ARFGEF3: variants seen among roughly 807,000 people sequenced by gnomAD.
The protein encoded by ARFGEF3 is ARFGEF family member 3, also known as brefeldin A-inhibited guanine nucleotide-exchange protein 3.
ARFGEF3 carries 96 observed loss-of-function variants against 221.7 expected under a neutral mutation model. The ratio of observed to expected loss-of-function variants is 0.43; its 90% CI spans 0.37 to 0.51. The LOEUF (loss-of-function observed/expected upper bound fraction) is 0.51. ARFGEF3 is among the 20% of genes least tolerant of loss of function. The pLI is 0.00. For synonymous variants in ARFGEF3, 1,145 were observed against 1,126.8 expected, an observed-to-expected ratio of 1.02 and a Z score of -0.32; for missense variants, 2,410 against 2,789.9, an observed-to-expected ratio of 0.86 and a Z score of 3.07.
intron 14 of ARFGEF3, among the ~76,000 whole-genome samples, chr6:138,281,744 G>C (rs1779200248): frequency 6.6e-6 from 1 of 152,226 alleles, no homozygotes; most frequent in Admixed American, 6.5e-5. Context: ...TGAGAGTGTA[G>C]AGAGCAGTAT....
At chr6:138,172,696 A>C (rs1397657211) in intron 2 of ARFGEF3, among the ~76,000 whole-genome samples, 1 of 152,214 alleles carries the variant, frequency 6.6e-6, no homozygotes, top group Non-Finnish European at 1.5e-5. Flanking sequence ...ACAACTATAA[A>C]GGTAAAAAAG....
chr6:138,176,867 T>C (rs1776960328), intron 2 of ARFGEF3, among the ~76,000 whole-genome samples: 1 of 152,110 alleles, frequency 6.6e-6, no homozygotes, highest in East Asian at 1.9e-4. Context: ...TTATGAAGCT[T>C]ATTCTTTCTG....
intron 32 of ARFGEF3, among the ~76,000 whole-genome samples, chr6:138,331,177 A>G (rs926212447): frequency 2.0e-5 from 3 of 152,250 alleles, no homozygotes; most frequent in African/African-American, 7.2e-5. Context: ...GTTACAGTTT[A>G]AAAATATACC....
intron 4 of ARFGEF3, among the ~76,000 whole-genome samples, chr6:138,215,302 T>A (rs1300602806): frequency 6.6e-6 from 1 of 152,140 alleles, no homozygotes; most frequent in African/African-American, 2.4e-5. Flanking sequence ...GATGTGGGCA[T>A]CCTATCTGGG....
At chr6:138,312,103 C>T (rs971918854) in intron 25 of ARFGEF3, among the ~76,000 whole-genome samples, 11 of 152,094 alleles carry the variant, frequency 7.2e-5, no homozygotes, top group Non-Finnish European at 1.5e-4. Flanking sequence ...TTGCAGTGAA[C>T]TGAGATCATG....
At chr6:138,268,719 G>A (rs900557178) in intron 12 of ARFGEF3, among the ~76,000 whole-genome samples, 9 of 152,182 alleles carry the variant, frequency 5.9e-5, no homozygotes, top group South Asian at 2.1e-4. Flanking sequence ...AGCCTTGCAC[G>A]GCAATTGATC....
chr6:138,329,669 CCAAA>C (rs1157454984), intron 32 of ARFGEF3, among the ~76,000 whole-genome samples: 3 of 152,118 alleles, frequency 2.0e-5, no homozygotes, highest in South Asian at 2.1e-4. Flanking sequence ...GTCTCAAAAA[CCAAA>C]CAAACAAAAA....
intron 24 of ARFGEF3, among the ~76,000 whole-genome samples, chr6:138,310,662 C>T (rs1779809903): frequency 1.3e-5 from 2 of 152,024 alleles, no homozygotes; most frequent in Non-Finnish European, 1.5e-5. Context: ...CAATTGTAGA[C>T]AATTAGAAAC....
chr6:138,217,823 AT>A, intron 4 of ARFGEF3: 1 of 983,468 alleles, frequency 1.0e-6, no homozygotes, highest in Non-Finnish European at 1.4e-6. Context: ...ATGGGTTTGT[AT>A]TTTAGAATTG....
intron 7 of ARFGEF3, 60 bp from the exon 8 acceptor site, chr6:138,245,453 C>T (rs1583029662): frequency 8.5e-6 from 10 of 1,170,844 alleles, no homozygotes; most frequent in Non-Finnish European, 1.1e-5. Context: ...AAGGATGGTT[C>T]AGGGAGCTCG....
At chr6:138,277,629 T>A (rs528747036) in intron 12 of ARFGEF3, among the ~76,000 whole-genome samples, 1 of 152,376 alleles carries the variant, frequency 6.6e-6, no homozygotes, top group South Asian at 2.1e-4. Context: ...CCATTAATTC[T>A]TACTCATTCG....
intron 12 of ARFGEF3, among the ~76,000 whole-genome samples, chr6:138,270,955 G>A (rs550860814): frequency 6.6e-6 from 1 of 152,192 alleles, no homozygotes; most frequent in African/African-American, 2.4e-5. Flanking sequence ...GGGTGAAGAG[G>A]AAGCCACAGA....
At chr6:138,265,588 A>G (rs186462717) in intron 12 of ARFGEF3, among the ~76,000 whole-genome samples, 359 of 152,144 alleles carry the variant, frequency 2.4e-3, no homozygotes, top group Middle Eastern at 6.8e-3. Flanking sequence ...CTCTTATTGA[A>G]CATTCTAGGG....
At chr6:138,297,739 AAAC>A (rs1266461971) in intron 21 of ARFGEF3, among the ~76,000 whole-genome samples, 1 of 152,200 alleles carries the variant, frequency 6.6e-6, no homozygotes, top group Non-Finnish European at 1.5e-5. Flanking sequence ...TAGTGGCTTA[AAAC>A]AACAACCATT....
chr6:138,279,997 A>G lies in ARFGEF3; in HGVS notation c.2296-2A>G. 1.2e-6 allele frequency: 2 copies of G among 1,613,836 alleles called. No individual in the cohort carries two copies. The highest frequency in any genetic ancestry group is 1.7e-6 in the Non-Finnish European group (2 of 1,179,822). On this transcript the variant is annotated splice_acceptor_variant, in intron 13 of 33. Transcript: ENST00000251691. LOFTEE classifies it high-confidence loss of function. ...TCACCTTCTCATGCGATCTCTCTGTAGAAGGACTTCATGAAGCAGGTGCAG... is the reference window on the plus strand; with the variant it reads ...TCACCTTCTCATGCGATCTCTCTGTGGAAGGACTTCATGAAGCAGGTGCAG...
intron 12 of ARFGEF3, among the ~76,000 whole-genome samples, chr6:138,269,738 C>T (rs139920233): frequency 5.9e-4 from 90 of 151,950 alleles, no homozygotes; most frequent in Non-Finnish European, 6.3e-4. Context: ...ACCCAGGAGG[C>T]GGAGGTGGCG....
intron 1 of ARFGEF3, among the ~76,000 whole-genome samples, chr6:138,166,705 A>G (rs991583102): frequency 2.0e-5 from 3 of 152,194 alleles, no homozygotes; most frequent in Non-Finnish European, 4.4e-5. Context: ...AGAATTGCAG[A>G]ACAGGAGAGC....
intron 12 of ARFGEF3, among the ~76,000 whole-genome samples, chr6:138,267,708 A>C (rs1232976918): frequency 6.6e-6 from 1 of 152,224 alleles, no homozygotes; most frequent in African/African-American, 2.4e-5. Flanking sequence ...TTTATAGTAC[A>C]TGCAAAACAG....
rs756051207 is a variant in ARFGEF3, at chr6:138,298,585, ACT to A, written c.3649-15_3649-14del. 1.2e-5 allele frequency: 19 copies of A among 1,603,382 alleles called. No homozygotes were observed. The Admixed American group carries it at 2.9e-4, about 24-fold the overall frequency. On this transcript the variant is annotated intron_variant, in intron 21 of 33. Transcript: ENST00000251691. ...CTGTCTGCTGTCCTGATGGTGAGCC[ACT>A]CTCTCGTGAATTTTGCAGGCTGCTT...
Sources: allele counts gnomAD v4.1 joint callset (sites outside exome capture counted in the v4.1 genomes callset), GRCh38; gene constraint gnomAD v4.1.1; transcripts MANE v1.5; gene names NCBI Gene and HGNC (gene_info 2026-07-23, HGNC 2026-07-21).